The following QKI variants were observed in gnomAD, a reference collection of about 807,000 sequenced individuals.
QKI encodes the protein QKI, KH domain containing RNA binding, also known as KH domain-containing RNA-binding protein QKI.
Under a neutral mutation model 39.0 loss-of-function variants are expected in QKI, and 10 were observed. That is an observed-to-expected ratio of 0.26 (90% CI 0.16 to 0.43). The LOEUF (loss-of-function observed/expected upper bound fraction) is 0.43. QKI is among the 20% of genes least tolerant of loss of function. The pLI is 1.00. For synonymous variants in QKI, 204 were observed against 155.4 expected (o/e 1.31, Z -2.33); for missense variants, 218 against 428.0 (o/e 0.51, Z 4.33).
chr6:163,529,366 A>G (rs1780707404), intron 3 of QKI, among the ~76,000 whole-genome samples: 1 of 152,210 alleles, frequency 6.6e-6, no homozygotes, highest in Non-Finnish European at 1.5e-5. Flanking sequence ...CAATTATTCA[A>G]TTCAGTAAAT....
chr6:163,486,218 C>G (rs1003667412), intron 3 of QKI, among the ~76,000 whole-genome samples: 1 of 152,352 alleles, frequency 6.6e-6, no homozygotes, highest in Non-Finnish European at 1.5e-5. Flanking sequence ...ATAGAAACTT[C>G]CATCTCTCAC....
intron 2 of QKI, among the ~76,000 whole-genome samples, chr6:163,470,520 C>CT (rs1792105287): frequency 6.6e-6 from 1 of 151,988 alleles, no homozygotes; most frequent in Non-Finnish European, 1.5e-5. Flanking sequence ...AGTGTATTGT[C>CT]TGACACACAC....
At chr6:163,485,306 T>C (rs1777587089) in intron 3 of QKI, among the ~76,000 whole-genome samples, 1 of 152,218 alleles carries the variant, frequency 6.6e-6, no homozygotes, top group African/African-American at 2.4e-5. Flanking sequence ...TATCCAGGGC[T>C]GTGAAAGAAA....
chr6:163,455,226 C>A, intron 1 of QKI, 53 bp from the exon 2 acceptor site: 1 of 1,492,850 alleles, frequency 6.7e-7, no homozygotes, highest in South Asian at 1.3e-5. Flanking sequence ...TTCCTCTGGA[C>A]TAGCAAGAAT....
rs1297950671 is a variant in QKI, at chr6:163,570,800, TG to T, written c.*91del. ...CAGTTAACTGGTAATCGCCTTTGCTTGCCTGTCGTCAGTGCAGCGAGCTGAG... is the reference window on the plus strand; with the variant it reads ...CAGTTAACTGGTAATCGCCTTTGCTTCCTGTCGTCAGTGCAGCGAGCTGAG... On this transcript the variant is annotated 3_prime_UTR_variant, in exon 8 of 8. Transcript: ENST00000361752. The T allele has an allele frequency of 7.1e-6, 11 of 1,541,830 alleles. No individual in the cohort carries two copies. The highest frequency in any genetic ancestry group is 8.0e-6 in the Non-Finnish European group (9 of 1,131,464).
At chr6:163,415,780 A>T (rs1787407966) in intron 1 of QKI, 1 of 378,376 alleles carries the variant, frequency 2.6e-6, no homozygotes, top group Non-Finnish European at 5.2e-6. Flanking sequence ...CGGCCTCCCG[A>T]GCCTGCTCTG....
intron 1 of QKI, among the ~76,000 whole-genome samples, chr6:163,445,615 C>CTTTT (rs771151149): frequency 2.2e-5 from 3 of 135,334 alleles, no homozygotes; most frequent in Non-Finnish European, 1.6e-5. Flanking sequence ...GAGTATATGT[C>CTTTT]TTTTTTTTTT....
At chr6:163,500,502 T>C (rs1778694242) in intron 3 of QKI, among the ~76,000 whole-genome samples, 1 of 152,218 alleles carries the variant, frequency 6.6e-6, no homozygotes, top group Non-Finnish European at 1.5e-5. Context: ...ATTTATTGTT[T>C]GCTTTTGTTT....
chr6:163,569,596 G>A (rs1192084635), intron 7 of QKI: 1 of 1,043,282 alleles, frequency 9.6e-7, no homozygotes, highest in African/African-American at 1.7e-5. Context: ...ACAACTCAAG[G>A]ACATTGGGAA....
chr6:163,511,620 G>A (rs1779485070), intron 3 of QKI, among the ~76,000 whole-genome samples: 1 of 151,560 alleles, frequency 6.6e-6, no homozygotes, highest in African/African-American at 2.4e-5. Flanking sequence ...TAAATTCTTT[G>A]GAAAACACAA....
chr6:163,452,898 T>C (rs1790676445), intron 1 of QKI, among the ~76,000 whole-genome samples: 1 of 152,126 alleles, frequency 6.6e-6, no homozygotes, highest in African/African-American at 2.4e-5. Flanking sequence ...CAGCTAATTT[T>C]TGTATTTTTA....
In QKI at chr6:163,436,691, G is replaced by A. The variant is rs572515474; in HGVS notation, c.143-18588G>A. 2.1e-5 allele frequency among the ~76,000 whole-genome samples: 3 copies of A among 145,714 alleles called. No homozygotes were observed. In the South Asian group the frequency reaches 6.8e-4, roughly 33 times the overall value. Reference sequence around the variant, plus strand: ...TAGCTGGGCGTGGTGGTGTGTGCCTGTAGCAGGAGAATCTTTTGAACCTGG... The same window carrying A: ...TAGCTGGGCGTGGTGGTGTGTGCCTATAGCAGGAGAATCTTTTGAACCTGG... On this transcript the variant is annotated intron_variant, in intron 1 of 7. Transcript: ENST00000361752.
chr6:163,449,736 A>G (rs1790409323), intron 1 of QKI, among the ~76,000 whole-genome samples: 1 of 152,170 alleles, frequency 6.6e-6, no homozygotes, highest in South Asian at 2.1e-4. Flanking sequence ...AAATTTCTAA[A>G]CCAGAAAGTA....
chr6:163,485,767 G>C (rs989461290), intron 3 of QKI, among the ~76,000 whole-genome samples: 16 of 152,150 alleles, frequency 1.1e-4, no homozygotes, highest in Admixed American at 1.0e-3. Flanking sequence ...CAAGTTCTTT[G>C]CTCAAAATGA....
chr6:163,500,969 ATGTAGCTTC>A (rs1778720741), intron 3 of QKI, among the ~76,000 whole-genome samples: 1 of 152,098 alleles, frequency 6.6e-6, no homozygotes, highest in South Asian at 2.1e-4. Flanking sequence ...TAACACCCAC[ATGTAGCTTC>A]TGATAGAAAC....
intron 3 of QKI, among the ~76,000 whole-genome samples, chr6:163,531,352 T>C (rs1256374624): frequency 3.3e-5 from 5 of 152,166 alleles, no homozygotes; most frequent in Non-Finnish European, 7.4e-5. Flanking sequence ...AGCAAGTGTT[T>C]TACTTCCTTT....
rs552822351 is a variant in QKI at position 163,505,144 on chromosome 6, G to A, written c.402+26248G>A. Among the ~76,000 whole-genome samples the A allele has an allele frequency of 9.2e-5, 14 of 152,330 alleles. No homozygotes were observed. In the South Asian group the frequency reaches 2.7e-3, roughly 29 times the overall value. ...GCTTGTGGGTGCACAGAACACAAGAGTTGAGCTTTGAGAATCTTTGCCTAG... is the reference window on the plus strand; with the variant it reads ...GCTTGTGGGTGCACAGAACACAAGAATTGAGCTTTGAGAATCTTTGCCTAG... On this transcript the variant is annotated intron_variant, in intron 3 of 7. Transcript: ENST00000361752.
intron 4 of QKI, among the ~76,000 whole-genome samples, chr6:163,545,450 C>T (rs530487708): frequency 6.6e-6 from 1 of 152,160 alleles, no homozygotes; most frequent in East Asian, 1.9e-4. Context: ...CAACATCATA[C>T]CATAATTATC....
intron 1 of QKI, among the ~76,000 whole-genome samples, chr6:163,422,681 A>G (rs964811549): frequency 2.6e-5 from 4 of 152,230 alleles, no homozygotes; most frequent in Admixed American, 2.6e-4. Context: ...GCAGGCATTT[A>G]TATCTGTAAG....
Sources: allele counts gnomAD v4.1 joint callset (sites outside exome capture counted in the v4.1 genomes callset), GRCh38; gene constraint gnomAD v4.1.1; transcripts MANE v1.5; gene names NCBI Gene and HGNC (gene_info 2026-07-23, HGNC 2026-07-21).